NFATC2: variants seen among roughly 807,000 people sequenced by gnomAD.
NFATC2 encodes nuclear factor of activated T-cells, cytoplasmic 2.
A neutral mutation model predicts 87.3 loss-of-function variants in NFATC2; 22 were observed. That is an observed-to-expected ratio of 0.25 (90% CI 0.18 to 0.36). NFATC2 has a LOEUF of 0.36. NFATC2 is among the 10% of genes least tolerant of loss of function. The pLI is 1.00. For synonymous variants in NFATC2, 565 were observed against 542.2 expected (o/e 1.04, Z -0.58); for missense variants, 1,149 against 1,259.1 (o/e 0.91, Z 1.32).
intron 1 of NFATC2, 88 bp downstream of exon 1, chr20:51,542,282 G>T: frequency 6.8e-7 from 1 of 1,470,678 alleles, no homozygotes; most frequent in South Asian, 1.3e-5. Flanking sequence ...AAGGGGGACG[G>T]CTGGAGCCAA....
At chr20:51,479,114 T>C (rs1041304923) in intron 3 of NFATC2, among the ~76,000 whole-genome samples, 4 of 148,022 alleles carry the variant, frequency 2.7e-5, no homozygotes, top group Non-Finnish European at 6.0e-5. Context: ...AGATCAGGGC[T>C]TTTTTTTTCC....
rs1986207326 is a variant in NFATC2 at position 51,454,675 on chromosome 20, A to C, written c.1722T>G (p.Ala574=). 15 of 1,613,980 alleles carry C rather than the reference A, an allele frequency of 9.3e-6. No individual in the cohort carries two copies. The highest frequency in any genetic ancestry group is 1.3e-5 in the Non-Finnish European group (15 of 1,179,994). The change falls in exon 6 of 11, where the codon GCT becomes GCG. Residue 574 remains alanine, a synonymous_variant. Transcript: ENST00000371564. ...GTCTTTCAACCATGGGCAGCTCGTG[A>C]GCAGATCGCTGGGCTGCAGGCAAAA... ...SNPIECSQRS[A]HELPMVERQD...
chr20:51,526,081 T>C (rs1386495523), intron 1 of NFATC2, among the ~76,000 whole-genome samples: 1 of 152,044 alleles, frequency 6.6e-6, no homozygotes, highest in East Asian at 1.9e-4. Context: ...CCTTCCTGCA[T>C]CTGCTCAGCC....
chr20:51,423,148 G>A (rs1012829223), intron 9 of NFATC2, among the ~76,000 whole-genome samples: 1 of 152,006 alleles, frequency 6.6e-6, no homozygotes, highest in African/African-American at 2.4e-5. Flanking sequence ...AGTTGAGCCA[G>A]GCATGGTGGC....
chr20:51,477,249 A>G (rs1988792054), intron 3 of NFATC2, among the ~76,000 whole-genome samples: 1 of 152,064 alleles, frequency 6.6e-6, no homozygotes, highest in East Asian at 1.9e-4. Flanking sequence ...GCTGTTGAAA[A>G]ACAAAAGCAA....
At chr20:51,441,640 C>T (rs1016494744) in intron 6 of NFATC2, among the ~76,000 whole-genome samples, 3 of 142,122 alleles carry the variant, frequency 2.1e-5, no homozygotes, top group Non-Finnish European at 4.5e-5. Context: ...TCGCTTGAAC[C>T]GGGGAGGCGG....
chr20:51,412,056 T>C (rs1979339521), intron 9 of NFATC2, among the ~76,000 whole-genome samples: 1 of 152,152 alleles, frequency 6.6e-6, no homozygotes, highest in African/African-American at 2.4e-5. Context: ...AACCCCATTA[T>C]CACACCCACC....
intron 3 of NFATC2, among the ~76,000 whole-genome samples, chr20:51,509,262 C>T (rs1396601150): frequency 1.7e-5 from 2 of 119,430 alleles, no homozygotes; most frequent in Non-Finnish European, 3.4e-5. Flanking sequence ...ATTTCATTTT[C>T]CTATTTAACA....
At chr20:51,446,204 G>T (rs1985034869) in intron 6 of NFATC2, among the ~76,000 whole-genome samples, 3 of 152,292 alleles carry the variant, frequency 2.0e-5, no homozygotes, top group Admixed American at 2.0e-4. Flanking sequence ...GTAAGGACAG[G>T]AGAGGAATTC....
At chr20:51,484,850 C>T (rs1049328759) in intron 3 of NFATC2, among the ~76,000 whole-genome samples, 1 of 152,268 alleles carries the variant, frequency 6.6e-6, no homozygotes, top group Non-Finnish European at 1.5e-5. Flanking sequence ...TGGGATCCCA[C>T]TGGCTGGATG....
chr20:51,549,214 G>A (rs1284754917), intron 1 of NFATC2, among the ~76,000 whole-genome samples: 1 of 152,206 alleles, frequency 6.6e-6, no homozygotes, highest in African/African-American at 2.4e-5. Context: ...AAAAGACAAT[G>A]TTCTGTTATA....
chr20:51,490,856 C>A (rs548234784), intron 3 of NFATC2, among the ~76,000 whole-genome samples: 1 of 152,180 alleles, frequency 6.6e-6, no homozygotes, highest in Non-Finnish European at 1.5e-5. Flanking sequence ...GCTCCTTTCC[C>A]AGGGAACCAT....
At chr20:51,439,248 A>C (rs1281194925) in intron 6 of NFATC2, among the ~76,000 whole-genome samples, 1 of 152,038 alleles carries the variant, frequency 6.6e-6, no homozygotes, top group Non-Finnish European at 1.5e-5. Flanking sequence ...CACTCTAAGC[A>C]CCTCGTATAC....
At chr20:51,474,278 G>T in intron 4 of NFATC2, 126 bp from the exon 5 acceptor site, 2 of 1,130,334 alleles carry the variant, frequency 1.8e-6, no homozygotes, top group Non-Finnish European at 2.5e-6. Flanking sequence ...AAGCATTTCA[G>T]CCAGGAATGT....
chr20:51,474,909 C>T (rs1449523270), intron 4 of NFATC2, among the ~76,000 whole-genome samples: 1 of 151,798 alleles, frequency 6.6e-6, no homozygotes, highest in African/African-American at 2.4e-5. Flanking sequence ...CAACATAACA[C>T]AAATATTCAC....
rs1053278887 is a variant in NFATC2 at position 51,523,086 on chromosome 20, G to A, written c.1155C>T (p.Ile385=). The stretch of plus-strand genomic sequence containing the variant: ...ATTTTCAAAGCCCTGCTCACCTGCA[G>A]ATGGGAATGGCAGGCACCAGCGGCT... ...WPKPLVPAIP[I]CSIPVTASLP... is the part of the protein sequence containing the mutation. The change falls in exon 2 of 11, where the codon ATC becomes ATT. Residue 385 remains isoleucine (I), a synonymous_variant. Coordinates refer to ENST00000371564, the MANE Select transcript of NFATC2 (RefSeq NM_012340.5). This position sits in a 1 kb window ranked among gnomAD's most constrained non-coding sequence, Gnocchi z 6.9. The A allele has an allele frequency of 8.1e-6, 13 of 1,614,112 alleles. No individual in the cohort carries two copies. The highest frequency in any genetic ancestry group is 1.6e-4 in the Middle Eastern group (1 of 6,084).
chr20:51,463,851 C>T (rs1347187478), intron 5 of NFATC2, among the ~76,000 whole-genome samples: 1 of 152,210 alleles, frequency 6.6e-6, no homozygotes, highest in Non-Finnish European at 1.5e-5. Flanking sequence ...AACCTCAGTG[C>T]ATCTGTGGGT....
At chr20:51,548,413 T>A (rs1017561043) in intron 1 of NFATC2, among the ~76,000 whole-genome samples, 1 of 152,344 alleles carries the variant, frequency 6.6e-6, no homozygotes, top group South Asian at 2.1e-4. Context: ...TTATTGCCTG[T>A]TCCTTTCACT....
chr20:51,474,198 G>A, intron 4 of NFATC2, 46 bp from the exon 5 acceptor site: 2 of 1,599,418 alleles, frequency 1.3e-6, no homozygotes, highest in Non-Finnish European at 1.7e-6. Flanking sequence ...ACCTTCAGGA[G>A]CAGGAAAGAT....
Sources: gnomAD v4.1 joint callset for allele counts (sites outside exome capture counted in the v4.1 genomes callset) on GRCh38, gnomAD v4.1.1 for gene constraint, Gnocchi (gnomAD v3.1) non-coding constraint, MANE v1.5 for transcripts, NCBI Gene and HGNC (gene_info 2026-07-23, HGNC 2026-07-21) for gene names.